POU2F2: variants seen among roughly 807,000 people sequenced by gnomAD.
The protein encoded by POU2F2 is POU domain, class 2, transcription factor 2.
A neutral mutation model predicts 63.5 loss-of-function variants in POU2F2; 14 were observed. The observed-to-expected ratio is 0.22, with a 90% CI of 0.15 to 0.34. POU2F2 has a LOEUF of 0.34. Among genes scored for constraint, POU2F2 ranks in the 10% least tolerant of loss-of-function variants. The pLI is 1.00. For missense variants in POU2F2, 607 were observed against 815.2 expected, an observed-to-expected ratio of 0.74 and a Z score of 3.11; for synonymous variants, 306 against 348.6, an observed-to-expected ratio of 0.88 and a Z score of 1.36.
chr19:42,196,707 C>G (rs144511066), upstream of POU2F2: 2 of 152,414 alleles, frequency 1.3e-5, no homozygotes, highest in African/African-American at 4.8e-5. Context: ...CCTCACCCCC[C>G]GCGCCTCGCC....
intron 1 of POU2F2, 65 bp downstream of exon 1, chr19:42,132,319 C>T: frequency 6.4e-7 from 1 of 1,561,694 alleles, no homozygotes; most frequent in Non-Finnish European, 8.7e-7. Context: ...CAGGCAGGGC[C>T]CGCAGAGCAA....
chr19:42,142,977 G>A (rs2034159622), intron 2 of POU2F2, among the ~76,000 whole-genome samples: 1 of 152,210 alleles, frequency 6.6e-6, no homozygotes, highest in East Asian at 1.9e-4. Context: ...AGAGAGGAAG[G>A]AGTATGTTTG....
intron 5 of POU2F2, among the ~76,000 whole-genome samples, chr19:42,107,350 G>A (rs571877239): frequency 2.6e-4 from 40 of 151,868 alleles, no homozygotes; most frequent in Non-Finnish European, 5.1e-4. Flanking sequence ...GTGAGACTCC[G>A]TCTCAAAAAA....
At chr19:42,127,572 G>A (rs908160349) in intron 1 of POU2F2, among the ~76,000 whole-genome samples, 1 of 152,006 alleles carries the variant, frequency 6.6e-6, no homozygotes, top group Admixed American at 6.6e-5. Flanking sequence ...TAGTAGAGAA[G>A]GGGTTTCACT....
intron 4 of POU2F2, among the ~76,000 whole-genome samples, 191 bp downstream of exon 4, chr19:42,121,935 T>C (rs1013644712): frequency 6.6e-6 from 1 of 151,674 alleles, no homozygotes; most frequent in Non-Finnish European, 1.5e-5. Flanking sequence ...CCCCACCCCC[T>C]AGGGAAGGGG....
chr19:42,190,656 C>T (rs146280835), intron 1 of POU2F2, among the ~76,000 whole-genome samples: 67 of 152,146 alleles, frequency 4.4e-4, no homozygotes, highest in Non-Finnish European at 8.5e-4. Flanking sequence ...GAATTCGAGA[C>T]CAGCCTGGCC....
rs1449561382 is a variant in POU2F2, at chr19:42,127,696, T to C, written c.28+4688A>G. ...ACGCCCGGCCATAAGCTCTGTTTTC[T>C]ATGAAACCACCACCTTGATGCCCCC... On this transcript the variant is annotated intron_variant, in intron 1 of 14. Coordinates refer to ENST00000692977, the MANE Select transcript of POU2F2 (RefSeq NM_001394376.1). Among the ~76,000 whole-genome samples the C allele has an allele frequency of 2.6e-5, 4 of 152,078 alleles. No individual in the cohort carries two copies. In the East Asian group the frequency reaches 5.8e-4, roughly 22 times the overall value.
At chr19:42,171,989 G>A (rs1260827136) in intron 1 of POU2F2, among the ~76,000 whole-genome samples, 1 of 152,134 alleles carries the variant, frequency 6.6e-6, no homozygotes, top group South Asian at 2.1e-4. Flanking sequence ...ATAGCTCCCC[G>A]CTGCCAGCCA....
upstream of POU2F2, among the ~76,000 whole-genome samples, chr19:42,135,249 C>A (rs2033980438): frequency 6.6e-6 from 1 of 152,108 alleles, no homozygotes; most frequent in Non-Finnish European, 1.5e-5. Context: ...GAGACCAAGC[C>A]TCAGGCCATA....
At chr19:42,116,891 C>G (rs1204841174) in intron 5 of POU2F2, 1 of 478,094 alleles carries the variant, frequency 2.1e-6, no homozygotes, top group African/African-American at 2.0e-5. Context: ...GCGGCGGCGG[C>G]GGCAGCGGCG....
chr19:42,135,751 A>C (rs1344240072), upstream of POU2F2, among the ~76,000 whole-genome samples: 1 of 146,626 alleles, frequency 6.8e-6, no homozygotes, highest in Non-Finnish European at 1.5e-5. Context: ...TCTGTCGCTC[A>C]GGCTGGAGTG....
At chr19:42,106,190 C>T (rs937309070) in intron 5 of POU2F2, among the ~76,000 whole-genome samples, 45 of 152,110 alleles carry the variant, frequency 3.0e-4, no homozygotes, top group African/African-American at 1.1e-3. Context: ...ACTGCAACCT[C>T]TGCCTCCCGG....
chr19:42,189,139 C>T (rs557486605), intron 1 of POU2F2, among the ~76,000 whole-genome samples: 2 of 152,118 alleles, frequency 1.3e-5, no homozygotes. Context: ...AGGTGAAGGC[C>T]GGGGCTGGTA....
chr19:42,120,188 GGCTTGA>G (rs2032429017), intron 4 of POU2F2, among the ~76,000 whole-genome samples: 1 of 151,536 alleles, frequency 6.6e-6, no homozygotes, highest in African/African-American at 2.4e-5. Context: ...TAGAACTACA[GGCTTGA>G]GCCACTGCAT....
intron 2 of POU2F2, among the ~76,000 whole-genome samples, chr19:42,147,792 G>C (rs2034261486): frequency 6.6e-6 from 1 of 152,176 alleles, no homozygotes; most frequent in Non-Finnish European, 1.5e-5. Context: ...AAATACAAAA[G>C]CTTAAAGACC....
At position 42,103,046 on chromosome 19, in the gene POU2F2, C is replaced by T. The variant is rs2077202418; in HGVS notation, c.370-3225G>A. On this transcript the variant is annotated intron_variant, in intron 5 of 14. Transcript: ENST00000692977. ...CTTTTCTGTTTTTTTTTTTCAAATG[C>T]ACCAAGCTTGTTCCTGCCTCAGGGC... Among the ~76,000 whole-genome samples the T allele has an allele frequency of 2.0e-5, 3 of 151,524 alleles. No individual in the cohort carries two copies. The South Asian group carries it at 6.3e-4, about 32-fold the overall frequency.
At position 42,090,958 on chromosome 19, in the gene POU2F2, T is replaced by G. The variant is rs1338963172; in HGVS notation, c.*299A>C. The G allele has an allele frequency of 1.5e-5, 4 of 268,948 alleles. No homozygotes were observed. Among genetic ancestry groups the G allele is most frequent in the Non-Finnish European group, 1.4e-5 (2 of 143,814 alleles). 16.7% of individuals were successfully genotyped at this position (268,948 alleles called of 1,614,324 possible). On this transcript the variant is annotated 3_prime_UTR_variant, in exon 15 of 15. Coordinates refer to ENST00000692977, the MANE Select transcript of POU2F2 (RefSeq NM_001394376.1). The surrounding 1 kb of genome is among the most constrained non-coding windows in gnomAD (Gnocchi z 4.4). ...GCTCGCGACTGGTTTTTTGGTTTGT[T>G]TGATTTTGTGGGTTTTTTTTTTTTT...
At chr19:42,170,657 G>A (rs193031888) in intron 1 of POU2F2, among the ~76,000 whole-genome samples, 31 of 152,296 alleles carry the variant, frequency 2.0e-4, no homozygotes, top group Non-Finnish European at 4.0e-4. Flanking sequence ...AAAGTTCTAC[G>A]AAGGTAGGCA....
At chr19:42,110,094 ATT>A (rs760668134) in intron 5 of POU2F2, among the ~76,000 whole-genome samples, 42 of 141,392 alleles carry the variant, frequency 3.0e-4, no homozygotes, top group Admixed American at 3.6e-4. Flanking sequence ...CATCTCCACA[ATT>A]TTTTTTTTTT....
Sources: gnomAD v4.1 joint callset for allele counts (sites outside exome capture counted in the v4.1 genomes callset) on GRCh38, gnomAD v4.1.1 for gene constraint, Gnocchi (gnomAD v3.1) non-coding constraint, MANE v1.5 for transcripts, NCBI Gene and HGNC (gene_info 2026-07-23, HGNC 2026-07-21) for gene names.